Variants in CAMTA1 observed in about 807,000 individuals in gnomAD.
CAMTA1 encodes calmodulin-binding transcription activator 1.
Under a neutral mutation model 170.9 loss-of-function variants are expected in CAMTA1, and 27 were observed. The observed-to-expected ratio is 0.16, with a 90% CI of 0.12 to 0.22. The LOEUF (loss-of-function observed/expected upper bound fraction) is 0.22, where lower values mean the gene tolerates loss of function less well. Among genes scored for constraint, CAMTA1 ranks in the 10% least tolerant of loss-of-function variants. The pLI, the probability that CAMTA1 is intolerant of heterozygous loss-of-function variation, is 1.00. For synonymous variants in CAMTA1, 833 were observed against 891.5 expected, an observed-to-expected ratio of 0.93 and a Z score of 1.17; for missense variants, 1,619 against 2,217.2, an observed-to-expected ratio of 0.73 and a Z score of 5.42.
intron 6 of CAMTA1, among the ~76,000 whole-genome samples, chr1:7,500,408 G>A (rs896896277): frequency 1.3e-5 from 2 of 151,690 alleles, no homozygotes; most frequent in African/African-American, 4.9e-5. Flanking sequence ...TGAGTGTGTA[G>A]AGAGGATGGT....
Position 7,499,903 on chromosome 1 carries a change from A to G in CAMTA1, c.510+32002A>G, listed in dbSNP as rs1043805966. 5.0e-5 allele frequency among the ~76,000 whole-genome samples: 7 copies of G among 141,202 alleles called. 1 individual carries two copies. The East Asian group carries it at 1.4e-3, about 28-fold the overall frequency. The allele number at this position is 141,202 out of a possible 152,430, so 92.6% of individuals were successfully genotyped here. On this transcript the variant is annotated intron_variant, in intron 6 of 22. Coordinates refer to ENST00000303635, the MANE Select transcript of CAMTA1 (RefSeq NM_015215.4). ...GAGCCTGGTGTGCATGCTTATGTAT[A>G]TGAGTGTGTGTGTGCATGAGTGAGT...
intron 3 of CAMTA1, among the ~76,000 whole-genome samples, chr1:6,919,861 A>G (rs1681615780): frequency 1.3e-5 from 2 of 152,078 alleles, no homozygotes; most frequent in Admixed American, 6.5e-5. Flanking sequence ...CAGCATGGGA[A>G]AGACCCACCC....
chr1:7,531,827 G>A (rs2094495695), intron 6 of CAMTA1, among the ~76,000 whole-genome samples: 1 of 152,230 alleles, frequency 6.6e-6, no homozygotes, highest in African/African-American at 2.4e-5. Context: ...GGACTATGAC[G>A]GGGCAGGTTG....
rs1641629980 is a variant in CAMTA1, at chr1:7,092,664, C to T, written c.302+1293C>T. Among the ~76,000 whole-genome samples, 1 of 152,206 alleles carries T rather than the reference C, an allele frequency of 6.6e-6. No individual in the cohort carries two copies. Among genetic ancestry groups the T allele is most frequent in the Admixed American group, 6.5e-5 (1 of 15,280 alleles). ...AATAATTTATATCAGTCAGCTTTTG[C>T]TGTGATAATTCTGTGTAAGAAACGA... On this transcript the variant is annotated intron_variant, in intron 4 of 22. Coordinates refer to ENST00000303635, the MANE Select transcript of CAMTA1 (RefSeq NM_015215.4). The surrounding 1 kb of genome is among the most constrained non-coding windows in gnomAD (Gnocchi z 5.0).
At chr1:6,995,389 C>T (rs1484372943) in intron 3 of CAMTA1, among the ~76,000 whole-genome samples, 7 of 148,420 alleles carry the variant, frequency 4.7e-5, no homozygotes, top group Admixed American at 1.4e-4. Flanking sequence ...CTGCAACCTC[C>T]GCCTCCTGGG....
intron 5 of CAMTA1, among the ~76,000 whole-genome samples, chr1:7,257,508 C>G (rs1436489664): frequency 6.6e-6 from 1 of 152,214 alleles, no homozygotes; most frequent in East Asian, 1.9e-4. Flanking sequence ...CCAGCATGAA[C>G]TGCCCATTTC....
In CAMTA1 at chr1:7,537,179, G is replaced by A. The variant is rs540135571; in HGVS notation, c.510+69278G>A. ...GGCATGTGGCCTAAGCAGGAGGGAC[G>A]CATTGCCCCACGGTTTATGGGGCGA... On this transcript the variant is annotated intron_variant, in intron 6 of 22. Coordinates refer to ENST00000303635, the MANE Select transcript of CAMTA1 (RefSeq NM_015215.4). Among the ~76,000 whole-genome samples the A allele has an allele frequency of 4.6e-5, 7 of 152,314 alleles. No homozygotes were observed. In the South Asian group the frequency reaches 6.2e-4, roughly 14 times the overall value.
chr1:7,196,858 G>A (rs557058904), intron 4 of CAMTA1, among the ~76,000 whole-genome samples: 1 of 152,310 alleles, frequency 6.6e-6, no homozygotes, highest in South Asian at 2.1e-4. Flanking sequence ...CCGCTGAATG[G>A]CAATTTTAAT....
intron 7 of CAMTA1, among the ~76,000 whole-genome samples, chr1:7,651,547 C>T (rs758950142): frequency 6.6e-6 from 1 of 152,258 alleles, no homozygotes; most frequent in Non-Finnish European, 1.5e-5. Flanking sequence ...TCTGTCTCCT[C>T]GTCCAATTCC....
intron 11 of CAMTA1, among the ~76,000 whole-genome samples, chr1:7,721,766 C>T (rs1389897914): frequency 2.6e-5 from 4 of 152,012 alleles, no homozygotes; most frequent in Non-Finnish European, 5.9e-5. Flanking sequence ...CTCACTCCAT[C>T]GCCCAGGCTG....
chr1:7,756,273 G>A (rs990602428), intron 22 of CAMTA1, among the ~76,000 whole-genome samples: 6 of 152,102 alleles, frequency 3.9e-5, no homozygotes, highest in Admixed American at 3.3e-4. Context: ...AACCCAGGAC[G>A]TTCATTATAA....
intron 3 of CAMTA1, among the ~76,000 whole-genome samples, chr1:6,987,168 G>GT (rs34352811): frequency 0.51 from 74,561 of 145,802 alleles, 19,108 homozygotes; most frequent in African/African-American, 0.6. Flanking sequence ...AGACTGTTTT[G>GT]TTTTTTTTTT....
intron 3 of CAMTA1, among the ~76,000 whole-genome samples, chr1:6,911,040 G>A (rs190358561): frequency 8.3e-4 from 126 of 152,336 alleles, no homozygotes; most frequent in Admixed American, 2.2e-3. Flanking sequence ...GTTACCTTCC[G>A]TTTGGAGCAG....
At chr1:7,258,856 G>A (rs936258249) in intron 5 of CAMTA1, among the ~76,000 whole-genome samples, 1 of 152,044 alleles carries the variant, frequency 6.6e-6, no homozygotes, top group South Asian at 2.1e-4. Flanking sequence ...GGATAGTCGC[G>A]GCCATTCACT....
intron 16 of CAMTA1, among the ~76,000 whole-genome samples, chr1:7,739,478 G>A (rs1052424186): frequency 3.3e-5 from 5 of 152,178 alleles, no homozygotes; most frequent in East Asian, 1.9e-4. Context: ...CTGACCTACC[G>A]TATTAGTCCA....
At chr1:6,945,555 C>T (rs1687431110) in intron 3 of CAMTA1, among the ~76,000 whole-genome samples, 1 of 151,972 alleles carries the variant, frequency 6.6e-6, no homozygotes, top group South Asian at 2.1e-4. Flanking sequence ...CGCCAGGTTG[C>T]CCAGGCTAGT....
intron 6 of CAMTA1, among the ~76,000 whole-genome samples, chr1:7,617,609 C>A (rs1487197124): frequency 6.6e-6 from 1 of 152,120 alleles, no homozygotes; most frequent in African/African-American, 2.4e-5. Flanking sequence ...TAAGCAGACA[C>A]TTAGACACCC....
intron 5 of CAMTA1, among the ~76,000 whole-genome samples, chr1:7,283,914 G>A (rs148218555): frequency 6.6e-4 from 101 of 152,192 alleles, no homozygotes; most frequent in Non-Finnish European, 1.3e-3. Context: ...TCCCTGCTCC[G>A]TTCTTAGGGT....
At chr1:6,820,126 C>A in intron 1 of CAMTA1, 55 bp from the exon 2 acceptor site, 1 of 1,057,936 alleles carries the variant, frequency 9.5e-7, no homozygotes, top group South Asian at 1.3e-5. Context: ...CACAGAAGAG[C>A]CAGATTATAT....
Sources: gnomAD v4.1 joint callset for allele counts (sites outside exome capture counted in the v4.1 genomes callset) on GRCh38, gnomAD v4.1.1 for gene constraint, Gnocchi (gnomAD v3.1) non-coding constraint, MANE v1.5 for transcripts, NCBI Gene and HGNC (gene_info 2026-07-23, HGNC 2026-07-21) for gene names.